PTDSS1: variants seen among roughly 807,000 people sequenced by gnomAD.
PTDSS1 encodes the protein PSS-1.
Under a neutral mutation model 70.5 loss-of-function variants are expected in PTDSS1, and 45 were observed. The observed-to-expected ratio is 0.64, with a 90% CI of 0.50 to 0.82. The LOEUF (loss-of-function observed/expected upper bound fraction) is 0.82. Ranked by LOEUF, PTDSS1 falls within the 40% of genes least tolerant of loss-of-function variation. The pLI is 0.00. For synonymous variants in PTDSS1, 188 were observed against 203.8 expected, an observed-to-expected ratio of 0.92 and a Z score of 0.66; for missense variants, 417 against 586.1, an observed-to-expected ratio of 0.71 and a Z score of 2.98.
chr8:96,320,795 C>T (rs1367276153), intron 10 of PTDSS1, among the ~76,000 whole-genome samples: 1 of 152,170 alleles, frequency 6.6e-6, no homozygotes, highest in Admixed American at 6.5e-5. Flanking sequence ...GAAGATAATT[C>T]GATCCTGCAA....
chr8:96,272,231 T>G (rs1417729652), intron 1 of PTDSS1, among the ~76,000 whole-genome samples: 1 of 152,186 alleles, frequency 6.6e-6, no homozygotes, highest in Non-Finnish European at 1.5e-5. Context: ...ACTTCATGAT[T>G]GTTGATTGTT....
chr8:96,275,453 GA>G (rs1255815954), intron 2 of PTDSS1, among the ~76,000 whole-genome samples: 1 of 152,090 alleles, frequency 6.6e-6, no homozygotes, highest in African/African-American at 2.4e-5. Context: ...CAAATTTACT[GA>G]AAAAAATCCC....
At chr8:96,277,562 C>G (rs1400554065) in intron 2 of PTDSS1, among the ~76,000 whole-genome samples, 1 of 152,252 alleles carries the variant, frequency 6.6e-6, no homozygotes, top group African/African-American at 2.4e-5. Flanking sequence ...CCCAAACTTG[C>G]CCTCTCCTTC....
chr8:96,299,617 TA>T, intron 5 of PTDSS1, 76 bp from the exon 6 acceptor site: 1 of 1,404,794 alleles, frequency 7.1e-7, no homozygotes. Context: ...AATGTATTGT[TA>T]AAAAGGAAAT....
At chr8:96,284,028 G>C in intron 2 of PTDSS1, 81 bp from the exon 3 acceptor site, 3 of 1,147,356 alleles carry the variant, frequency 2.6e-6, no homozygotes, top group Non-Finnish European at 3.8e-6. Flanking sequence ...CTTGTTATCT[G>C]TATGGAGATC....
At position 96,268,135 on chromosome 8, in the gene PTDSS1, C is replaced by A. The variant is rs147588193; in HGVS notation, c.180-5164C>A. On this transcript the variant is annotated intron_variant, in intron 1 of 12. Transcript: ENST00000517309. The stretch of plus-strand genomic sequence containing the variant: ...GCTGAATGAATGGAATGCATGAAAT[C>A]ATTTATTCAATAAGAACTTAAAATT... Among the ~76,000 whole-genome samples, 34 of 152,314 alleles carry A rather than the reference C, an allele frequency of 2.2e-4. No homozygotes were observed. The East Asian group carries it at 5.8e-3, about 26-fold the overall frequency.
chr8:96,275,896 T>C (rs1205816228), intron 2 of PTDSS1, among the ~76,000 whole-genome samples: 1 of 152,226 alleles, frequency 6.6e-6, no homozygotes, highest in East Asian at 1.9e-4. Flanking sequence ...CCTCTATTCC[T>C]ACTTTTCTCT....
chr8:96,315,456 G>A (rs1342094575), intron 9 of PTDSS1, among the ~76,000 whole-genome samples: 1 of 152,080 alleles, frequency 6.6e-6, no homozygotes, highest in Admixed American at 6.5e-5. Context: ...TCTCAAGTTT[G>A]GCTCATACAC....
rs139518709 is a variant in PTDSS1, at chr8:96,274,290, A to G, written c.271+900A>G. Among the ~76,000 whole-genome samples the G allele has an allele frequency of 1.4e-4, 22 of 152,290 alleles. No individual in the cohort carries two copies. In the East Asian group the frequency reaches 3.7e-3, roughly 25 times the overall value. ...AACCGCTCATGCTATTCAGTAGGCT[A>G]TCATGTGTAATATAAGAAGCTCATT... is the stretch of plus-strand genomic sequence containing the variant. On this transcript the variant is annotated intron_variant, in intron 2 of 12. Coordinates refer to ENST00000517309, the MANE Select transcript of PTDSS1 (RefSeq NM_014754.3).
intron 4 of PTDSS1, among the ~76,000 whole-genome samples, chr8:96,290,054 G>A (rs149947092): frequency 3.3e-5 from 5 of 152,214 alleles, no homozygotes; most frequent in African/African-American, 1.2e-4. Flanking sequence ...GTGCATGCAT[G>A]CTAGATGTTC....
intron 7 of PTDSS1, among the ~76,000 whole-genome samples, 175 bp downstream of exon 7, chr8:96,304,356 G>A (rs1811094775): frequency 6.6e-6 from 1 of 152,162 alleles, no homozygotes; most frequent in African/African-American, 2.4e-5. Flanking sequence ...TTATGCCTAA[G>A]GTCTTGCCTC....
intron 9 of PTDSS1, among the ~76,000 whole-genome samples, chr8:96,316,687 A>T (rs564212045): frequency 1.4e-4 from 21 of 152,194 alleles, no homozygotes; most frequent in Middle Eastern, 3.4e-3. Context: ...GCTGAAAAAA[A>T]TTTTAAAAAA....
chr8:96,267,096 A>G (rs184010068), intron 1 of PTDSS1, among the ~76,000 whole-genome samples: 20 of 152,288 alleles, frequency 1.3e-4, no homozygotes, highest in Non-Finnish European at 2.5e-4. Context: ...AGCATTTTAG[A>G]TGTAGTTCTA....
chr8:96,282,247 A>G (rs2130040838), intron 2 of PTDSS1, among the ~76,000 whole-genome samples: 1 of 152,352 alleles, frequency 6.6e-6, no homozygotes, highest in East Asian at 1.9e-4. Context: ...AGTAAAGAGG[A>G]GCATTTGGAA....
At chr8:96,332,659 G>A (rs377549893) in intron 12 of PTDSS1, among the ~76,000 whole-genome samples, 13 of 152,260 alleles carry the variant, frequency 8.5e-5, no homozygotes, top group African/African-American at 3.1e-4. Flanking sequence ...AGCAGTAGTA[G>A]AGATGTATTT....
intron 9 of PTDSS1, among the ~76,000 whole-genome samples, chr8:96,317,620 G>A (rs570869882): frequency 1.3e-4 from 19 of 151,916 alleles, no homozygotes; most frequent in Middle Eastern, 3.4e-3. Context: ...CTGTAGTCCC[G>A]GCTACTCGGG....
At chr8:96,294,777 T>A (rs912682425) in intron 4 of PTDSS1, among the ~76,000 whole-genome samples, 8 of 152,232 alleles carry the variant, frequency 5.3e-5, no homozygotes, top group African/African-American at 1.9e-4. Flanking sequence ...GTTACTGGCT[T>A]TAATATTGTT....
chr8:96,299,702 C>T lies in PTDSS1; in HGVS notation c.609C>T (p.Phe203=). ...SITWELTELF[F]MHLLPNFAEC... is the part of the protein sequence containing the mutation. ...GCTCTTGTGTTTCTCAGCTCTTCTT[C>T]ATGCATCTCCTCCCCAATTTTGCCG... The change falls in exon 6 of 13, where the codon TTC becomes TTT. Residue 203 remains phenylalanine (F), a synonymous_variant. Transcript: ENST00000517309. 6.2e-7 allele frequency: 1 copy of T among 1,609,956 alleles called. No homozygotes were observed. Among genetic ancestry groups the T allele is most frequent in the Non-Finnish European group, 8.5e-7 (1 of 1,178,886 alleles).
chr8:96,310,316 C>T (rs1048899931), intron 9 of PTDSS1, among the ~76,000 whole-genome samples: 1 of 151,370 alleles, frequency 6.6e-6, no homozygotes, highest in Non-Finnish European at 1.5e-5. Context: ...AGGTGCGCAC[C>T]ACCACACCCT....
Sources: gnomAD v4.1 joint callset for allele counts (sites outside exome capture counted in the v4.1 genomes callset) on GRCh38, gnomAD v4.1.1 for gene constraint, MANE v1.5 for transcripts, NCBI Gene and HGNC (gene_info 2026-07-23, HGNC 2026-07-21) for gene names.